The following SLC35F1 variants were observed in gnomAD, a reference collection of about 807,000 sequenced individuals.
SLC35F1 encodes solute carrier family 35 member F1.
In SLC35F1, 14 loss-of-function variants were observed where a neutral mutation model predicts 48.7. The observed-to-expected ratio is 0.29, with a 90% CI of 0.19 to 0.45. The LOEUF (loss-of-function observed/expected upper bound fraction) is 0.45, where lower values mean the gene tolerates loss of function less well. SLC35F1 is among the 20% of genes least tolerant of loss of function. The probability of loss-of-function intolerance (pLI) is 1.00; values close to 1 mark genes in which losing one functional copy is unlikely to be tolerated. For missense variants in SLC35F1, 404 were observed against 500.0 expected (o/e 0.81, Z 1.83); for synonymous variants, 190 against 202.2 (o/e 0.94, Z 0.51).
rs527311601 is a variant in SLC35F1 at position 118,314,460 on chromosome 6, A to C, written c.*208A>C. ...ATCCACCTGACTTGGAAGGATGCCT[A>C]GCTAACGTGTATCCTGATCACAACT... On this transcript the variant is annotated 3_prime_UTR_variant, in exon 8 of 8. Transcript: ENST00000360388. 12 of 590,220 alleles carry C rather than the reference A, an allele frequency of 2.0e-5. No individual in the cohort carries two copies. Among genetic ancestry groups the C allele is most frequent in the South Asian group, 1.8e-4 (9 of 48,976 alleles). The allele number at this position is 590,220 out of a possible 1,614,324, so 36.6% of individuals were successfully genotyped here.
chr6:118,004,804 C>T (rs1400007827), intron 1 of SLC35F1, among the ~76,000 whole-genome samples: 1 of 151,860 alleles, frequency 6.6e-6, no homozygotes, highest in African/African-American at 2.4e-5. Context: ...CCGCCTTGGC[C>T]TCTCAAAGTG....
intron 3 of SLC35F1, among the ~76,000 whole-genome samples, chr6:118,258,270 TA>T (rs773841888): frequency 1.3e-5 from 2 of 152,150 alleles, no homozygotes; most frequent in Non-Finnish European, 2.9e-5. Flanking sequence ...TGTGACTATC[TA>T]ATTTTTCTAA....
At chr6:117,949,565 G>T (rs1776336672) in intron 1 of SLC35F1, among the ~76,000 whole-genome samples, 2 of 152,030 alleles carry the variant, frequency 1.3e-5, no homozygotes, top group African/African-American at 4.8e-5. Flanking sequence ...ACCCTTTCCA[G>T]CAGTCCACGG....
At chr6:118,287,451 G>A (rs1348686527) in intron 7 of SLC35F1, among the ~76,000 whole-genome samples, 1 of 152,154 alleles carries the variant, frequency 6.6e-6, no homozygotes. Flanking sequence ...TTCTGCTGAG[G>A]GCTGCAGTCA....
intron 1 of SLC35F1, among the ~76,000 whole-genome samples, chr6:118,073,633 C>A (rs969913801): frequency 3.3e-5 from 5 of 151,882 alleles, no homozygotes; most frequent in African/African-American, 1.2e-4. Flanking sequence ...GTTATCTAAC[C>A]CAAAATCAAA....
At position 117,973,263 on chromosome 6, in the gene SLC35F1, T is replaced by C. The variant is rs147417883; in HGVS notation, c.173+65364T>C. Among the ~76,000 whole-genome samples the C allele has an allele frequency of 3.3e-5, 5 of 152,280 alleles. No homozygotes were observed. In the East Asian group the frequency reaches 9.7e-4, roughly 29 times the overall value. ...AGACAGCAGTCCTGTTGGATGACGG[T>C]CCACCCACATGACCTCATTTTACCT... On this transcript the variant is annotated intron_variant, in intron 1 of 7. Transcript: ENST00000360388.
rs866594617 is a variant in SLC35F1, at chr6:118,117,493, T to C, written c.174-36952T>C. 2.6e-5 allele frequency among the ~76,000 whole-genome samples: 4 copies of C among 152,260 alleles called. No homozygotes were observed. The South Asian group carries it at 6.2e-4, about 24-fold the overall frequency. The stretch of plus-strand genomic sequence containing the variant: ...GTCTTCTGAAATTATCAGAGTTGAT[T>C]TTTCTTGGGTCAATAATTTGGAGCC... On this transcript the variant is annotated intron_variant, in intron 1 of 7. Coordinates refer to ENST00000360388, the MANE Select transcript of SLC35F1 (RefSeq NM_001029858.4).
At chr6:118,004,608 C>A (rs1367961880) in intron 1 of SLC35F1, among the ~76,000 whole-genome samples, 1 of 152,224 alleles carries the variant, frequency 6.6e-6, no homozygotes, top group African/African-American at 2.4e-5. Context: ...GTAGCCCAGG[C>A]TGGAATGCAG....
chr6:118,216,731 C>T (rs552592824), intron 2 of SLC35F1, among the ~76,000 whole-genome samples: 20 of 152,236 alleles, frequency 1.3e-4, no homozygotes, highest in African/African-American at 4.6e-4. Flanking sequence ...TAAAGTAGCA[C>T]TTTACTATGG....
chr6:117,978,762 G>A (rs1776736273), intron 1 of SLC35F1, among the ~76,000 whole-genome samples: 1 of 152,080 alleles, frequency 6.6e-6, no homozygotes, highest in Non-Finnish European at 1.5e-5. Flanking sequence ...AAAAATACAG[G>A]ACACCCACTG....
At chr6:118,115,282 T>G (rs1773461580) in intron 1 of SLC35F1, among the ~76,000 whole-genome samples, 1 of 152,062 alleles carries the variant, frequency 6.6e-6, no homozygotes, top group Admixed American at 6.6e-5. Flanking sequence ...CTACTGCTGC[T>G]AGAAACAAGG....
At chr6:118,013,540 GAA>G (rs1264934373) in intron 1 of SLC35F1, among the ~76,000 whole-genome samples, 1 of 152,150 alleles carries the variant, frequency 6.6e-6, no homozygotes, top group Non-Finnish European at 1.5e-5. Context: ...TTGTGAATAG[GAA>G]AGTGCATTTC....
At chr6:118,243,341 C>T (rs1322765671) in intron 3 of SLC35F1, among the ~76,000 whole-genome samples, 2 of 152,142 alleles carry the variant, frequency 1.3e-5, no homozygotes, top group Non-Finnish European at 2.9e-5. Context: ...AGACAAGGCA[C>T]GGTGGCTCAT....
chr6:117,911,763 A>G (rs1775766638), intron 1 of SLC35F1, among the ~76,000 whole-genome samples: 1 of 151,928 alleles, frequency 6.6e-6, no homozygotes, highest in Admixed American at 6.6e-5. Flanking sequence ...ATTTCTTAGC[A>G]TGGTATAGTA....
chr6:118,042,920 T>C (rs1198450495), intron 1 of SLC35F1, among the ~76,000 whole-genome samples: 1 of 152,120 alleles, frequency 6.6e-6, no homozygotes, highest in African/African-American at 2.4e-5. Context: ...TGGAGGAACA[T>C]GGTTAAAGGA....
At chr6:117,932,806 C>T (rs1257821752) in intron 1 of SLC35F1, among the ~76,000 whole-genome samples, 1 of 152,108 alleles carries the variant, frequency 6.6e-6, no homozygotes, top group Non-Finnish European at 1.5e-5. Flanking sequence ...TTAGGAAGCT[C>T]CTCTGACCCA....
chr6:117,991,300 A>T (rs1776917048), intron 1 of SLC35F1, among the ~76,000 whole-genome samples: 1 of 152,046 alleles, frequency 6.6e-6, no homozygotes, highest in Non-Finnish European at 1.5e-5. Context: ...GAAAAAAAAA[A>T]TACTGCCTCT....
chr6:118,012,206 T>C (rs1367111430), intron 1 of SLC35F1, among the ~76,000 whole-genome samples: 3 of 152,112 alleles, frequency 2.0e-5, no homozygotes, highest in Non-Finnish European at 2.9e-5. Flanking sequence ...GTTACTTGTT[T>C]ATTTAACTAC....
At chr6:117,982,411 A>G (rs1776791825) in intron 1 of SLC35F1, among the ~76,000 whole-genome samples, 1 of 152,224 alleles carries the variant, frequency 6.6e-6, no homozygotes, top group East Asian at 1.9e-4. Flanking sequence ...AATAAAAACT[A>G]TGATTTTAGA....
Sources: allele counts gnomAD v4.1 joint callset (sites outside exome capture counted in the v4.1 genomes callset), GRCh38; gene constraint gnomAD v4.1.1; transcripts MANE v1.5; gene names NCBI Gene and HGNC (gene_info 2026-07-23, HGNC 2026-07-21).